The following ADGRL3 variants were observed in gnomAD, a reference collection of about 807,000 sequenced individuals.
The protein encoded by ADGRL3 is adhesion G protein-coupled receptor L3.
In ADGRL3, 62 loss-of-function variants were observed where a neutral mutation model predicts 153.5. The observed-to-expected ratio is 0.40, with a 90% CI of 0.33 to 0.50. ADGRL3 has a LOEUF of 0.50. ADGRL3 is among the 20% of genes least tolerant of loss of function. The pLI is 0.47. For synonymous variants in ADGRL3, 710 were observed against 672.5 expected, an observed-to-expected ratio of 1.06 and a Z score of -0.86; for missense variants, 1,641 against 1,859.4, an observed-to-expected ratio of 0.88 and a Z score of 2.16.
intron 19 of ADGRL3, among the ~76,000 whole-genome samples, chr4:61,984,334 G>T (rs2099078415): frequency 1.3e-5 from 2 of 152,120 alleles, no homozygotes; most frequent in South Asian, 2.1e-4. Flanking sequence ...AAAAGAAGAG[G>T]TAAGCAGAGG....
chr4:61,728,369 T>C (rs1207962687), intron 6 of ADGRL3, among the ~76,000 whole-genome samples: 1 of 151,958 alleles, frequency 6.6e-6, no homozygotes, highest in Non-Finnish European at 1.5e-5. Flanking sequence ...AAATCAAAAT[T>C]TTACCAAATG....
chr4:61,585,950 T>G (rs904585819), intron 4 of ADGRL3, among the ~76,000 whole-genome samples: 7 of 151,958 alleles, frequency 4.6e-5, no homozygotes, highest in Admixed American at 3.3e-4. Context: ...AACAGCAAAT[T>G]TTACATAAAT....
rs1485081705 is a variant in ADGRL3, at chr4:61,202,621, C to G, written c.-240+856C>G. On this transcript the variant is annotated intron_variant, in intron 1 of 26. Coordinates refer to ENST00000683033, the MANE Select transcript of ADGRL3 (RefSeq NM_001387552.1). This position sits in a 1 kb window ranked among gnomAD's most constrained non-coding sequence, Gnocchi z 5.0. ...ACAGGTAGGAGAGAAGGCACCTCGG[C>G]GCTTCTCTGAGGAGAAGGGAAGGCT... Among the ~76,000 whole-genome samples the G allele has an allele frequency of 6.6e-6, 1 of 152,124 alleles. No individual in the cohort carries two copies. The highest frequency in any genetic ancestry group is 2.4e-5 in the African/African-American group (1 of 41,426).
At chr4:61,445,225 G>A (rs2097569374) in intron 2 of ADGRL3, among the ~76,000 whole-genome samples, 1 of 152,094 alleles carries the variant, frequency 6.6e-6, no homozygotes, top group Admixed American at 6.6e-5. Context: ...ACTAGGAGGA[G>A]GATGATAGAT....
chr4:61,320,921 T>C lies in ADGRL3; in HGVS notation c.-239-62203T>C, dbSNP rs988662426. On this transcript the variant is annotated intron_variant, in intron 1 of 26. Transcript: ENST00000683033. ...TGGAGATCCTAGGAGAAATATCCCATTTCCTTGCTTTTTCAGCTGCTAGAG... is the reference window on the plus strand; with the variant it reads ...TGGAGATCCTAGGAGAAATATCCCACTTCCTTGCTTTTTCAGCTGCTAGAG... 2.6e-5 allele frequency among the ~76,000 whole-genome samples: 4 copies of C among 152,262 alleles called. No homozygotes were observed. The East Asian group carries it at 7.7e-4, about 29-fold the overall frequency.
At chr4:61,840,799 C>T (rs569418849) in intron 9 of ADGRL3, among the ~76,000 whole-genome samples, 1 of 152,140 alleles carries the variant, frequency 6.6e-6, no homozygotes, top group African/African-American at 2.4e-5. Flanking sequence ...ATAATTAATG[C>T]TGCTTCTGAA....
intron 17 of ADGRL3, among the ~76,000 whole-genome samples, chr4:61,955,499 A>G (rs987228378): frequency 1.3e-5 from 2 of 152,290 alleles, no homozygotes; most frequent in East Asian, 3.9e-4. Flanking sequence ...ACAAAAACTA[A>G]TTTGAACTAA....
intron 9 of ADGRL3, among the ~76,000 whole-genome samples, chr4:61,878,174 C>T (rs2098486920): frequency 1.3e-5 from 2 of 152,158 alleles, no homozygotes; most frequent in Admixed American, 6.5e-5. Context: ...CTAATCTCCC[C>T]TTCTTATAGG....
At chr4:61,611,532 C>T (rs946581162) in intron 5 of ADGRL3, among the ~76,000 whole-genome samples, 4 of 152,074 alleles carry the variant, frequency 2.6e-5, no homozygotes, top group African/African-American at 9.7e-5. Context: ...GGGAGGCAAG[C>T]TGTTCTCCCT....
intron 8 of ADGRL3, among the ~76,000 whole-genome samples, chr4:61,759,588 G>T (rs1274637822): frequency 1.3e-5 from 2 of 151,892 alleles, no homozygotes; most frequent in Admixed American, 1.3e-4. Context: ...TTTTTTCAAG[G>T]TTTTTAATTT....
At position 62,023,900 on chromosome 4, in the gene ADGRL3, T is replaced by G. The variant is rs546401389; in HGVS notation, c.3396-4955T>G. Among the ~76,000 whole-genome samples the G allele has an allele frequency of 4.2e-5, 6 of 142,922 alleles. No homozygotes were observed. The South Asian group carries it at 1.3e-3, about 31-fold the overall frequency. 93.8% of individuals were successfully genotyped at this position (142,922 alleles called of 152,430 possible). ...ATCTCTCAGGTATGCCTGCATCTTATTTGCATGCAACCTACCAATTCATTT... is the reference window on the plus strand; with the variant it reads ...ATCTCTCAGGTATGCCTGCATCTTAGTTGCATGCAACCTACCAATTCATTT... On this transcript the variant is annotated intron_variant, in intron 21 of 26. Coordinates refer to ENST00000683033, the MANE Select transcript of ADGRL3 (RefSeq NM_001387552.1).
At chr4:61,570,942 C>A (rs977967441) in intron 4 of ADGRL3, among the ~76,000 whole-genome samples, 1 of 151,988 alleles carries the variant, frequency 6.6e-6, no homozygotes, top group Non-Finnish European at 1.5e-5. Flanking sequence ...AATGAAGAAG[C>A]GGGTAAGCAT....
chr4:61,632,516 T>G (rs774209116), intron 5 of ADGRL3, among the ~76,000 whole-genome samples: 13 of 152,172 alleles, frequency 8.5e-5, no homozygotes, highest in Non-Finnish European at 1.3e-4. Flanking sequence ...TGTTCAGCCT[T>G]TAGATGTACA....
chr4:62,027,953 AT>A (rs1380818676), intron 21 of ADGRL3, among the ~76,000 whole-genome samples: 2 of 151,768 alleles, frequency 1.3e-5, no homozygotes, highest in Non-Finnish European at 2.9e-5. Flanking sequence ...ATTCTTTATT[AT>A]TTCATCATTC....
At chr4:61,693,774 C>T (rs911147195) in intron 6 of ADGRL3, among the ~76,000 whole-genome samples, 1 of 152,130 alleles carries the variant, frequency 6.6e-6, no homozygotes, top group Non-Finnish European at 1.5e-5. Flanking sequence ...GCAGTGTCAG[C>T]TTTCTTCAGC....
At chr4:61,900,179 T>G (rs561966302) in intron 11 of ADGRL3, among the ~76,000 whole-genome samples, 34 of 152,318 alleles carry the variant, frequency 2.2e-4, no homozygotes, top group African/African-American at 8.2e-4. Flanking sequence ...ATGTGCTCAC[T>G]GTATGTCACC....
At chr4:61,853,535 T>C (rs2149185305) in intron 9 of ADGRL3, among the ~76,000 whole-genome samples, 1 of 152,308 alleles carries the variant, frequency 6.6e-6, no homozygotes, top group South Asian at 2.1e-4. Context: ...ATGAAAATAC[T>C]TGGAAAAATG....
At chr4:61,353,008 G>C (rs981238982) in intron 1 of ADGRL3, among the ~76,000 whole-genome samples, 1 of 152,074 alleles carries the variant, frequency 6.6e-6, no homozygotes, top group East Asian at 1.9e-4. Flanking sequence ...TATCTATTTG[G>C]CCCGAGGTTC....
chr4:61,525,487 T>C (rs2098553788), intron 4 of ADGRL3, among the ~76,000 whole-genome samples: 1 of 152,154 alleles, frequency 6.6e-6, no homozygotes, highest in Non-Finnish European at 1.5e-5. Context: ...TGAGACTCTG[T>C]ACATAATTGT....
Sources: allele counts gnomAD v4.1 joint callset (sites outside exome capture counted in the v4.1 genomes callset), GRCh38; gene constraint gnomAD v4.1.1; non-coding constraint Gnocchi (gnomAD v3.1); transcripts MANE v1.5; gene names NCBI Gene and HGNC (gene_info 2026-07-23, HGNC 2026-07-21).